POLR3D: variants seen among roughly 807,000 people sequenced by gnomAD.
The protein encoded by POLR3D is RNA polymerase III subunit D.
Under a neutral mutation model 44.5 loss-of-function variants are expected in POLR3D, and 42 were observed. The observed-to-expected ratio is 0.94, with a 90% CI of 0.74 to 1.22. POLR3D has a LOEUF of 1.22. Among genes scored for constraint, POLR3D ranks in the 50% most tolerant of loss-of-function variants. POLR3D has a pLI of 0.00. For synonymous variants in POLR3D, 217 were observed against 198.1 expected (o/e 1.10, Z -0.80); for missense variants, 507 against 505.2 (o/e 1.00, Z -0.03).
In POLR3D at chr8:22,250,109, C is replaced by A; in HGVS notation, c.956C>A (p.Ala319Asp). 6.2e-7 allele frequency: 1 copy of A among 1,614,158 alleles called. No individual in the cohort carries two copies. The change falls in exon 8 of 9, where the codon GCT becomes GAT. Residue 319 changes from alanine (A) to aspartate (D), a missense_variant. By Grantham distance (126) the Ala-to-Asp change is moderately radical (BLOSUM62 -2). Transcript: ENST00000306433. The part of the protein sequence containing the change: ...AKLAENACTL[A>D]DLTEGQVGKL... ...TTGGCAGAGAATGCTTGTACCCTGG[C>A]TGACCTGACAGAGGGTCAGGTTGGC...
chr8:22,249,683 A>C (rs2131949812), intron 7 of POLR3D, among the ~76,000 whole-genome samples: 1 of 152,236 alleles, frequency 6.6e-6, no homozygotes, highest in South Asian at 2.1e-4. Flanking sequence ...TTAGCCAGGC[A>C]TGGTGGCGTG....
rs748060592 is a variant in POLR3D, at chr8:22,248,486, C to T, written c.492C>T (p.Leu164=). The change falls in exon 6 of 9, where the codon CTC becomes CTT. Residue 164 remains leucine (L), a synonymous_variant. Coordinates refer to ENST00000306433, the MANE Select transcript of POLR3D (RefSeq NM_001722.3). ...ILRMLEKDDF[L]DDPGLRNDTR... is the part of the protein sequence containing the mutation. ...ACCCAGACTCTCTTTGGCAGTTCCT[C>T]GATGACCCCGGCCTGAGGAACGACA... 1.7e-5 allele frequency: 27 copies of T among 1,613,556 alleles called. No homozygotes were observed. The highest frequency in any genetic ancestry group is 5.5e-5 in the South Asian group (5 of 91,024).
chr8:22,245,184 G>A lies in POLR3D; in HGVS notation c.-6+1G>A, dbSNP rs1188260844. On this transcript the variant is annotated splice_donor_variant, in intron 1 of 8. Transcript: ENST00000306433. LOFTEE classifies it low-confidence loss of function (5UTR_SPLICE). ...AGGCTGGCGGCTGGTCGCGTTGCAG[G>A]TGAGGTTGTGACGCGCGGTGTGGAG... 5 of 583,100 alleles carry A rather than the reference G, an allele frequency of 8.6e-6. No homozygotes were observed. The highest frequency in any genetic ancestry group is 1.3e-5 in the Non-Finnish European group (4 of 315,038). 36.1% of individuals were successfully genotyped at this position (583,100 alleles called of 1,614,324 possible). A position where few individuals can be genotyped will look rare whatever the true frequency, so the allele number is the denominator to read the frequency against.
In POLR3D at chr8:22,250,725, T is replaced by C; in HGVS notation, c.*207T>C. ...CTTCCTGCAGCGTGGAGATGGCACA[T>C]CCTTGCTGCTGGGGACTTGGCCCTG... On this transcript the variant is annotated 3_prime_UTR_variant, in exon 9 of 9. Transcript: ENST00000306433. The C allele has an allele frequency of 1.6e-6, 1 of 613,602 alleles. No individual in the cohort carries two copies. Among genetic ancestry groups the C allele is most frequent in the Non-Finnish European group, 2.9e-6 (1 of 345,660 alleles). The allele number at this position is 613,602 out of a possible 1,614,324, so 38.0% of individuals were successfully genotyped here. A position where few individuals can be genotyped will look rare whatever the true frequency, so the allele number is the denominator to read the frequency against.
Position 22,248,174 on chromosome 8 carries a change from G to C in POLR3D, c.382G>C (p.Asp128His). 2 of 1,614,178 alleles carry C rather than the reference G, an allele frequency of 1.2e-6. No individual in the cohort carries two copies. Among genetic ancestry groups the C allele is most frequent in the Non-Finnish European group, 1.7e-6 (2 of 1,180,022 alleles). Residue 128 changes from aspartate to histidine, a missense_variant, in exon 5 of 9, where the codon GAT (aspartate) becomes CAT (histidine). Transcript: ENST00000306433. ...CACAGGGAACTGGGATAAGACAGTG[G>C]ATGTGTCAGACATGGGACCTTCTCA... ...KKKGNWDKTV[D>H]VSDMGPSHII... is the part of the protein sequence containing the mutation.
chr8:22,250,802 A>C lies in POLR3D; in HGVS notation c.*284A>C. 2.5e-6 allele frequency: 1 copy of C among 394,304 alleles called. No individual in the cohort carries two copies. The highest frequency in any genetic ancestry group is 2.4e-5 in the South Asian group (1 of 41,760). The allele number at this position is 394,304 out of a possible 1,614,324, so 24.4% of individuals were successfully genotyped here. Reference sequence around the variant, plus strand: ...ATCTCTTCCACTGATGCATCCTCCAAGGGTAGATGGGGAGGGTCTGTGTGA... The same window carrying C: ...ATCTCTTCCACTGATGCATCCTCCACGGGTAGATGGGGAGGGTCTGTGTGA... On this transcript the variant is annotated 3_prime_UTR_variant, in exon 9 of 9. Transcript: ENST00000306433.
intron 3 of POLR3D, among the ~76,000 whole-genome samples, chr8:22,247,549 T>C (rs1451714606): frequency 2.0e-5 from 3 of 152,208 alleles, no homozygotes; most frequent in Non-Finnish European, 4.4e-5. Flanking sequence ...TGAGAGCCAA[T>C]AGTTTAAACA....
Position 22,248,655 on chromosome 8 carries a change from C to CT in POLR3D, c.655+7dup. 6.2e-7 allele frequency: 1 copy of CT among 1,610,062 alleles called. No homozygotes were observed. Among genetic ancestry groups the CT allele is most frequent in the Non-Finnish European group, 8.5e-7 (1 of 1,178,284 alleles). On this transcript the variant is annotated splice_region_variant and intron_variant, in intron 6 of 8. Coordinates refer to ENST00000306433, the MANE Select transcript of POLR3D (RefSeq NM_001722.3). ...GGACATACCTGCTGTGAAAGGTACT[C>CT]TGTCGGTTAACTTCTCATCTCCAAT...
chr8:22,249,628 G>A (rs1256756242), intron 7 of POLR3D, among the ~76,000 whole-genome samples: 2 of 152,160 alleles, frequency 1.3e-5, no homozygotes, highest in Non-Finnish European at 1.5e-5. Flanking sequence ...CCAGGAGTTC[G>A]AGACTAGCCT....
chr8:22,248,394 G>A (rs1177336964), intron 5 of POLR3D, 87 bp from the exon 6 acceptor site: 91 of 1,571,640 alleles, frequency 5.8e-5, no homozygotes, highest in Non-Finnish European at 7.0e-5. Flanking sequence ...GGGGAGCAGC[G>A]GAATCTTTGG....
intron 3 of POLR3D, among the ~76,000 whole-genome samples, chr8:22,247,548 A>G (rs999550733): frequency 2.0e-5 from 3 of 152,236 alleles, no homozygotes; most frequent in African/African-American, 7.2e-5. Flanking sequence ...TTGAGAGCCA[A>G]TAGTTTAAAC....
At chr8:22,245,839 T>A (rs1038960772) in intron 2 of POLR3D, among the ~76,000 whole-genome samples, 1 of 152,232 alleles carries the variant, frequency 6.6e-6, no homozygotes, top group Non-Finnish European at 1.5e-5. Flanking sequence ...AGAATCCTAA[T>A]AAGTTAAAGT....
rs763785352 is a variant in POLR3D, at chr8:22,245,499, G to A, written c.50G>A (p.Arg17Gln). The A allele has an allele frequency of 8.1e-5, 105 of 1,297,864 alleles. No individual in the cohort carries two copies. The highest frequency in any genetic ancestry group is 1.2e-4 in the African/African-American group (8 of 66,078). The allele number at this position is 1,297,864 out of a possible 1,614,324, so 80.4% of individuals were successfully genotyped here. ...AGEPSTPGGP[R>Q]PLLTGARGLI... ...GAGCCCAGCACGCCGGGAGGGCCCCGACCTCTCCTGACTGGGGCCCGGGGG... is the reference window on the plus strand; with the variant it reads ...GAGCCCAGCACGCCGGGAGGGCCCCAACCTCTCCTGACTGGGGCCCGGGGG... The change falls in exon 2 of 9, where the codon CGA becomes CAA. Residue 17 changes from arginine to glutamine, a missense_variant. By Grantham distance (43) the Arg-to-Gln change is conservative. Transcript: ENST00000306433.
chr8:22,245,583 C>T lies in POLR3D; in HGVS notation c.134C>T (p.Ser45Phe). 7.9e-7 allele frequency: 1 copy of T among 1,260,540 alleles called. No homozygotes were observed. Among genetic ancestry groups the T allele is most frequent in the Non-Finnish European group, 1.0e-6 (1 of 994,450 alleles). 78.1% of individuals were successfully genotyped at this position (1,260,540 alleles called of 1,614,324 possible). ...LTPGRLPSIR[S>F]RDLTLGGVKK... is the part of the protein sequence containing the mutation. ...CCCGGCCGCCTTCCCTCCATCCGTT[C>T]CAGGGACCTCACCCTCGGGGGAGTC... The change falls in exon 2 of 9, where the codon TCC becomes TTC. Residue 45 changes from serine (S) to phenylalanine (F), a missense_variant. Coordinates refer to ENST00000306433, the MANE Select transcript of POLR3D (RefSeq NM_001722.3).
chr8:22,247,785 T>C (rs1031039658), intron 3 of POLR3D, 72 bp from the exon 4 acceptor site: 5 of 1,417,722 alleles, frequency 3.5e-6, no homozygotes, highest in Non-Finnish European at 4.9e-6. Flanking sequence ...AGTGAAGTGG[T>C]ATGGGAGAGT....
intron 7 of POLR3D, among the ~76,000 whole-genome samples, chr8:22,249,512 T>A (rs1326428351): frequency 2.6e-5 from 4 of 152,168 alleles, no homozygotes; most frequent in Non-Finnish European, 4.4e-5. Context: ...TCACTTCTTA[T>A]AAGGAAATAT....
chr8:22,249,017 A>G (rs1305301550), intron 6 of POLR3D, 27 bp from the exon 7 acceptor site: 1 of 1,611,816 alleles, frequency 6.2e-7, no homozygotes, highest in Admixed American at 1.7e-5. Context: ...GTCACTTGAT[A>G]GCATTCCATG....
At chr8:22,249,456 T>C (rs1830078118) in intron 7 of POLR3D, 147 bp downstream of exon 7, 11 of 765,380 alleles carry the variant, frequency 1.4e-5, no homozygotes, top group Non-Finnish European at 2.3e-5. Flanking sequence ...GCCATGGGGC[T>C]TTGTACCTCC....
chr8:22,247,216 T>C lies in POLR3D; in HGVS notation c.166-5T>C. 2 of 1,612,202 alleles carry C rather than the reference T, an allele frequency of 1.2e-6. No individual in the cohort carries two copies. The highest frequency in any genetic ancestry group is 1.7e-6 in the Non-Finnish European group (2 of 1,178,536). ...ACATCAGTGACTCCTGTATTTTGCT[T>C]TCAGAAAACCTTCACCCCAAATATC... On this transcript the variant is annotated splice_region_variant and splice_polypyrimidine_tract_variant and intron_variant, in intron 2 of 8. Transcript: ENST00000306433.
Sources: gnomAD v4.1 joint callset for allele counts (sites outside exome capture counted in the v4.1 genomes callset) on GRCh38, gnomAD v4.1.1 for gene constraint, MANE v1.5 for transcripts, NCBI Gene and HGNC (gene_info 2026-07-23, HGNC 2026-07-21) for gene names.